Variants in ROBO1 observed in about 807,000 individuals in gnomAD.
ROBO1 encodes roundabout guidance receptor 1, also known as roundabout homolog 1.
In ROBO1, 149 loss-of-function variants were observed where a neutral mutation model predicts 195.9. The observed-to-expected ratio is 0.76, with a 90% CI of 0.67 to 0.87. The LOEUF (loss-of-function observed/expected upper bound fraction) is 0.87. Among genes scored for constraint, ROBO1 ranks in the 40% least tolerant of loss-of-function variants. The probability of loss-of-function intolerance (pLI) is 0.00; values close to 1 mark genes in which losing one functional copy is unlikely to be tolerated. For missense variants in ROBO1, 1,933 were observed against 2,068.3 expected, an observed-to-expected ratio of 0.93 and a Z score of 1.27; for synonymous variants, 816 against 733.2, an observed-to-expected ratio of 1.11 and a Z score of -1.82.
intron 1 of ROBO1, among the ~76,000 whole-genome samples, chr3:79,689,444 A>G (rs1947235779): frequency 6.6e-6 from 1 of 151,920 alleles, no homozygotes; most frequent in South Asian, 2.1e-4. Flanking sequence ...CATTACATTT[A>G]AGATCTATAA....
intron 2 of ROBO1, among the ~76,000 whole-genome samples, chr3:79,407,518 A>G (rs1307977895): frequency 6.6e-6 from 1 of 152,114 alleles, no homozygotes; most frequent in Non-Finnish European, 1.5e-5. Context: ...AATTGTCTTT[A>G]AGTCATTATT....
intron 4 of ROBO1, among the ~76,000 whole-genome samples, chr3:78,844,724 T>C (rs1197496089): frequency 6.6e-6 from 1 of 152,100 alleles, no homozygotes; most frequent in Non-Finnish European, 1.5e-5. Context: ...ACTGAAAATA[T>C]TTTAAATGCA....
intron 1 of ROBO1, among the ~76,000 whole-genome samples, chr3:79,602,951 T>C (rs1944380888): frequency 6.6e-6 from 1 of 152,020 alleles, no homozygotes; most frequent in African/African-American, 2.4e-5. Flanking sequence ...TTAATAGCGA[T>C]ATTAGCCATA....
chr3:79,598,475 TA>T (rs1309076649), intron 1 of ROBO1, among the ~76,000 whole-genome samples: 1 of 152,090 alleles, frequency 6.6e-6, no homozygotes, highest in African/African-American at 2.4e-5. Flanking sequence ...TTAAACACTT[TA>T]AAAACTTTAA....
At chr3:79,556,916 A>AT (rs1942720914) in intron 2 of ROBO1, among the ~76,000 whole-genome samples, 1 of 151,026 alleles carries the variant, frequency 6.6e-6, no homozygotes, top group Non-Finnish European at 1.5e-5. Context: ...TAAAATAAAA[A>AT]TTTTTTACTT....
At chr3:78,992,781 G>A (rs1315152900) in intron 3 of ROBO1, among the ~76,000 whole-genome samples, 1 of 152,116 alleles carries the variant, frequency 6.6e-6, no homozygotes, top group Non-Finnish European at 1.5e-5. Context: ...ATCACACATT[G>A]TTTCACACTA....
chr3:79,468,395 T>C (rs1280016642), intron 2 of ROBO1, among the ~76,000 whole-genome samples: 1 of 152,214 alleles, frequency 6.6e-6, no homozygotes, highest in Non-Finnish European at 1.5e-5. Context: ...AGTGGCTTTT[T>C]CAAGTCACAT....
At chr3:78,615,433 T>C (rs1704056412) in intron 27 of ROBO1, among the ~76,000 whole-genome samples, 1 of 151,886 alleles carries the variant, frequency 6.6e-6, no homozygotes, top group African/African-American at 2.4e-5. Context: ...AAGACTTCTG[T>C]TTTTTTTGGT....
rs185304064 is a variant in ROBO1, at chr3:79,676,156, A to G, written c.-50-86195T>C. Among the ~76,000 whole-genome samples the G allele has an allele frequency of 4.9e-3, 747 of 152,096 alleles. 5 individuals carry two copies. Among genetic ancestry groups the G allele is most frequent in the Non-Finnish European group, 5.4e-3 (365 of 67,982 alleles). On this transcript the variant is annotated intron_variant, in intron 1 of 30. Transcript: ENST00000464233. ...TTTTATCTCCTACAGACTAAATCCC[A>G]TTTTGTCACAACTGTCCAGGTGACT... is the stretch of plus-strand genomic sequence containing the variant.
intron 5 of ROBO1, among the ~76,000 whole-genome samples, chr3:78,743,890 G>A (rs372154570): frequency 2.4e-3 from 362 of 152,158 alleles, no homozygotes; most frequent in Non-Finnish European, 3.9e-3. Flanking sequence ...CAGGTCTGCC[G>A]GACAGCAAAA....
chr3:78,853,850 G>A (rs1442644069), intron 4 of ROBO1, among the ~76,000 whole-genome samples: 1 of 152,054 alleles, frequency 6.6e-6, no homozygotes, highest in African/African-American at 2.4e-5. Flanking sequence ...AAGAGAGAAT[G>A]AGAACCAAGA....
chr3:79,608,539 G>A (rs1944558792), intron 1 of ROBO1, among the ~76,000 whole-genome samples: 1 of 151,896 alleles, frequency 6.6e-6, no homozygotes. Context: ...GTATTGGCAG[G>A]GGATGTTTAC....
intron 2 of ROBO1, among the ~76,000 whole-genome samples, chr3:79,561,975 T>C (rs1661885761): frequency 6.6e-6 from 1 of 152,174 alleles, no homozygotes; most frequent in South Asian, 2.1e-4. Context: ...ATGTCACTTC[T>C]GTATGATTTG....
chr3:79,469,976 T>G (rs959679480), intron 2 of ROBO1, among the ~76,000 whole-genome samples: 1 of 152,170 alleles, frequency 6.6e-6, no homozygotes, highest in Non-Finnish European at 1.5e-5. Flanking sequence ...CAATGAACTA[T>G]GAGAAAGAGT....
At chr3:78,724,267 A>G (rs1576026003) in intron 5 of ROBO1, among the ~76,000 whole-genome samples, 1 of 152,250 alleles carries the variant, frequency 6.6e-6, no homozygotes, top group Non-Finnish European at 1.5e-5. Flanking sequence ...GGTCACAAAT[A>G]TGGAATACAT....
At chr3:78,793,989 T>C (rs969262311) in intron 4 of ROBO1, among the ~76,000 whole-genome samples, 2 of 152,202 alleles carry the variant, frequency 1.3e-5, no homozygotes, top group African/African-American at 4.8e-5. Flanking sequence ...ATGAGAATCA[T>C]GTTAATTAAC....
At chr3:79,279,312 A>G (rs2031318208) in intron 2 of ROBO1, among the ~76,000 whole-genome samples, 3 of 152,120 alleles carry the variant, frequency 2.0e-5, no homozygotes, top group Admixed American at 2.0e-4. Context: ...ACAACAAAAC[A>G]AAACAAAAGA....
At chr3:79,396,470 C>T (rs1028995731) in intron 2 of ROBO1, among the ~76,000 whole-genome samples, 1 of 151,668 alleles carries the variant, frequency 6.6e-6, no homozygotes, top group Non-Finnish European at 1.5e-5. Flanking sequence ...ATTAGAAAAA[C>T]ATTAAAAAAA....
At chr3:79,149,796 C>T (rs151124593) in intron 2 of ROBO1, among the ~76,000 whole-genome samples, 1 of 151,764 alleles carries the variant, frequency 6.6e-6, no homozygotes, top group East Asian at 1.9e-4. Context: ...TAGGCATGTC[C>T]ATCGCCCAAG....
Sources: gnomAD v4.1 joint callset for allele counts (sites outside exome capture counted in the v4.1 genomes callset) on GRCh38, gnomAD v4.1.1 for gene constraint, MANE v1.5 for transcripts, NCBI Gene and HGNC (gene_info 2026-07-23, HGNC 2026-07-21) for gene names.